Variants in LPP observed in about 807,000 individuals in gnomAD.
The protein encoded by LPP is LIM domain containing preferred translocation partner in lipoma, also known as lipoma-preferred partner.
Under a neutral mutation model 60.4 loss-of-function variants are expected in LPP, and 38 were observed. The ratio of observed to expected loss-of-function variants is 0.63; its 90% CI spans 0.49 to 0.83. LPP has a LOEUF of 0.83. Ranked by LOEUF, LPP falls within the 40% of genes least tolerant of loss-of-function variation. The pLI, the probability that LPP is intolerant of heterozygous loss-of-function variation, is 0.00. For synonymous variants in LPP, 328 were observed against 290.8 expected, an observed-to-expected ratio of 1.13 and a Z score of -1.30; for missense variants, 902 against 783.6, an observed-to-expected ratio of 1.15 and a Z score of -1.80.
At chr3:188,423,152 A>G (rs1247918492) in intron 4 of LPP, among the ~76,000 whole-genome samples, 1 of 151,468 alleles carries the variant, frequency 6.6e-6, no homozygotes, top group Non-Finnish European at 1.5e-5. Flanking sequence ...CCCTGTGTCC[A>G]TGTGTTCTCA....
At chr3:188,386,751 T>C (rs116093023) in intron 3 of LPP, among the ~76,000 whole-genome samples, 1,538 of 152,318 alleles carry the variant, frequency 0.01, 29 homozygotes, top group African/African-American at 0.035. Flanking sequence ...TTGATGCCCA[T>C]TATTCTGTTC....
chr3:188,878,658 A>C lies in LPP; in HGVS notation c.*4179A>C, dbSNP rs1208697285. ...CAACATATACTTGTGCCTTATTTTC[A>C]AAGAATCTATTTACACTACTATGAA... On this transcript the variant is annotated 3_prime_UTR_variant, in exon 12 of 12. Transcript: ENST00000617246. The C allele has an allele frequency of 4.9e-6, 1 of 205,174 alleles. No homozygotes were observed. Among genetic ancestry groups the C allele is most frequent in the Non-Finnish European group, 1.0e-5 (1 of 100,120 alleles). 12.7% of individuals were successfully genotyped at this position (205,174 alleles called of 1,614,324 possible).
At chr3:188,364,012 C>T (rs980207118) in intron 3 of LPP, among the ~76,000 whole-genome samples, 4 of 151,544 alleles carry the variant, frequency 2.6e-5, no homozygotes, top group Non-Finnish European at 5.9e-5. Context: ...CTGTCTTGGT[C>T]GAGGTTTGAA....
chr3:188,486,968 G>T (rs1042442451), intron 5 of LPP, among the ~76,000 whole-genome samples: 1 of 152,062 alleles, frequency 6.6e-6, no homozygotes, highest in Non-Finnish European at 1.5e-5. Flanking sequence ...GCTGAAGTTG[G>T]TTTTTTGCAT....
chr3:188,755,311 A>T (rs1729775798), intron 8 of LPP, among the ~76,000 whole-genome samples: 2 of 152,192 alleles, frequency 1.3e-5, no homozygotes, highest in Admixed American at 1.3e-4. Flanking sequence ...GGAGTATGTC[A>T]TGCTCAGTCA....
chr3:188,801,994 T>C (rs1189018359), intron 9 of LPP, among the ~76,000 whole-genome samples: 1 of 152,220 alleles, frequency 6.6e-6, no homozygotes, highest in African/African-American at 2.4e-5. Context: ...TAGACCAGTG[T>C]TAATATTTTT....
chr3:188,319,049 C>T lies in LPP; in HGVS notation c.-66-22614C>T, dbSNP rs374177587. ...CTGGGATTACAGGCGTGAGCCACCG[C>T]GCCCGGCCAAAAATTATGATTCTTT... On this transcript the variant is annotated intron_variant, in intron 2 of 11. Coordinates refer to ENST00000617246, the MANE Select transcript of LPP (RefSeq NM_001375462.1). Among the ~76,000 whole-genome samples, 226 of 152,178 alleles carry T rather than the reference C, an allele frequency of 1.5e-3. 3 individuals are homozygous for T. Among genetic ancestry groups the T allele is most frequent in the African/African-American group, 5.1e-3 (210 of 41,526 alleles).
chr3:188,829,173 A>C (rs1756465957), intron 9 of LPP, among the ~76,000 whole-genome samples: 1 of 152,048 alleles, frequency 6.6e-6, no homozygotes, highest in Non-Finnish European at 1.5e-5. Flanking sequence ...ACTCTTCTCT[A>C]ATTCCTGTCA....
chr3:188,616,981 G>A (rs1844965310), intron 7 of LPP, among the ~76,000 whole-genome samples: 1 of 152,058 alleles, frequency 6.6e-6, no homozygotes. Context: ...TCTTTAATAA[G>A]ACTTCTTAGG....
At chr3:188,288,580 G>GCACACA (rs71167088) in intron 2 of LPP, among the ~76,000 whole-genome samples, 1,522 of 150,716 alleles carry the variant, frequency 0.01, 33 homozygotes, top group East Asian at 0.066. Flanking sequence ...ATGTACACGT[G>GCACACA]CACACACACA....
intron 9 of LPP, among the ~76,000 whole-genome samples, chr3:188,825,443 G>A (rs898742207): frequency 1.5e-4 from 23 of 152,008 alleles, no homozygotes; most frequent in African/African-American, 3.9e-4. Context: ...TAGTCAACTC[G>A]AGAGTTGGGT....
intron 2 of LPP, among the ~76,000 whole-genome samples, chr3:188,232,098 C>A (rs1418024163): frequency 6.6e-6 from 1 of 152,154 alleles, no homozygotes; most frequent in East Asian, 1.9e-4. Context: ...CCAAAGCAGT[C>A]CTTTTCAAAA....
At chr3:188,214,785 A>G (rs937031309) in intron 1 of LPP, among the ~76,000 whole-genome samples, 5 of 152,180 alleles carry the variant, frequency 3.3e-5, no homozygotes, top group African/African-American at 4.8e-5. Context: ...GCTGAGGGAC[A>G]GGGACAGTAA....
At chr3:188,576,950 G>A (rs1478434958) in intron 6 of LPP, among the ~76,000 whole-genome samples, 4 of 152,274 alleles carry the variant, frequency 2.6e-5, no homozygotes, top group East Asian at 1.9e-4. Context: ...GATTTACTGC[G>A]TTGGTGACAT....
intron 6 of LPP, among the ~76,000 whole-genome samples, chr3:188,545,639 G>A (rs2150437824): frequency 6.6e-6 from 1 of 152,224 alleles, no homozygotes; most frequent in East Asian, 1.9e-4. Context: ...TTAGAAGTGC[G>A]ACTAGAGTTG....
intron 3 of LPP, among the ~76,000 whole-genome samples, chr3:188,365,814 T>G (rs1168049169): frequency 6.6e-6 from 1 of 152,110 alleles, no homozygotes; most frequent in Non-Finnish European, 1.5e-5. Context: ...ATACAACATA[T>G]TTTGAGGTAC....
rs1187889841 is a variant in LPP at position 188,167,585 on chromosome 3, G to GT, written c.-190+13334dup. 1.6e-3 allele frequency among the ~76,000 whole-genome samples: 170 copies of GT among 104,622 alleles called. 1 individual carries two copies. Among genetic ancestry groups the GT allele is most frequent in the African/African-American group, 5.7e-3 (165 of 28,696 alleles). 68.6% of individuals were successfully genotyped at this position (104,622 alleles called of 152,430 possible). A position where few individuals can be genotyped will look rare whatever the true frequency, so the allele number is the denominator to read the frequency against. On this transcript the variant is annotated intron_variant, in intron 1 of 11. Coordinates refer to ENST00000617246, the MANE Select transcript of LPP (RefSeq NM_001375462.1). The stretch of plus-strand genomic sequence containing the variant: ...ACTGAAAAATGTTATCTTTGTGTGT[G>GT]TGTTGTTTTTTTTTTTTTTTAGGAT...
intron 8 of LPP, chr3:188,711,687 G>A (rs1711561854): frequency 6.6e-6 from 1 of 152,296 alleles, no homozygotes; most frequent in South Asian, 2.1e-4. Flanking sequence ...GTGGTGGTGG[G>A]GGTAGATGTG....
intron 5 of LPP, among the ~76,000 whole-genome samples, chr3:188,502,563 C>G (rs1463353154): frequency 6.6e-6 from 1 of 152,134 alleles, no homozygotes; most frequent in Admixed American, 6.5e-5. Context: ...ATTCTGCCAA[C>G]CCGTCTTTTG....
Sources: gnomAD v4.1 joint callset for allele counts (sites outside exome capture counted in the v4.1 genomes callset) on GRCh38, gnomAD v4.1.1 for gene constraint, MANE v1.5 for transcripts, NCBI Gene and HGNC (gene_info 2026-07-23, HGNC 2026-07-21) for gene names.